The following OGDH variants were observed in gnomAD, a reference collection of about 807,000 sequenced individuals.
OGDH encodes the protein oxoglutarate dehydrogenase.
OGDH carries 38 observed loss-of-function variants against 116.6 expected under a neutral mutation model. The observed-to-expected ratio is 0.33, with a 90% CI of 0.25 to 0.43. OGDH has a LOEUF of 0.43. Ranked by LOEUF, OGDH falls within the 20% of genes least tolerant of loss-of-function variation. OGDH has a pLI of 1.00. For synonymous variants in OGDH, 488 were observed against 533.3 expected (o/e 0.92, Z 1.17); for missense variants, 825 against 1,357.2 (o/e 0.61, Z 6.16).
At chr7:44,673,585 G>T (rs1056876011) in intron 5 of OGDH, among the ~76,000 whole-genome samples, 1 of 152,192 alleles carries the variant, frequency 6.6e-6, no homozygotes, top group African/African-American at 2.4e-5. Context: ...CCAGGTCCCT[G>T]AAGGAAGCAC....
intron 1 of OGDH, among the ~76,000 whole-genome samples, chr7:44,609,420 G>A (rs1445327488): frequency 6.6e-6 from 1 of 151,520 alleles, no homozygotes; most frequent in Non-Finnish European, 1.5e-5. Flanking sequence ...TGAGGTGGGA[G>A]GATCGCTTGA....
At chr7:44,635,973 G>A (rs772139253) in intron 2 of OGDH, among the ~76,000 whole-genome samples, 1 of 152,236 alleles carries the variant, frequency 6.6e-6, no homozygotes, top group African/African-American at 2.4e-5. Flanking sequence ...AGAATGCTGG[G>A]ATTGCAGGCG....
intron 2 of OGDH, among the ~76,000 whole-genome samples, chr7:44,631,084 G>A (rs1221805030): frequency 1.3e-5 from 2 of 152,128 alleles, no homozygotes; most frequent in African/African-American, 4.8e-5. Flanking sequence ...TGGCCCGGGG[G>A]TTGGGGATCC....
chr7:44,652,890 C>T (rs1210065975), intron 4 of OGDH, among the ~76,000 whole-genome samples: 1 of 152,148 alleles, frequency 6.6e-6, no homozygotes, highest in Non-Finnish European at 1.5e-5. Context: ...TCTTTTTCCA[C>T]TGGCTCTTGA....
intron 1 of OGDH, among the ~76,000 whole-genome samples, chr7:44,613,595 G>A (rs1434971674): frequency 1.3e-5 from 2 of 151,838 alleles, no homozygotes; most frequent in Non-Finnish European, 2.9e-5. Flanking sequence ...TCCTGGCCTC[G>A]TGATCCACCC....
chr7:44,619,835 A>G (rs1049268740), intron 1 of OGDH, among the ~76,000 whole-genome samples: 2 of 151,962 alleles, frequency 1.3e-5, no homozygotes, highest in African/African-American at 4.8e-5. Context: ...GGCTGTTAGT[A>G]TATCTTCTTT....
rs538857826 is a variant in OGDH at position 44,675,362 on chromosome 7, G to C, written c.1026+94G>C. ...TTCTTAGAATGACTTACGGGGGGTT[G>C]GTTCTTCTGTACCATTTGTGATTTG... On this transcript the variant is annotated intron_variant, in intron 8 of 22. Coordinates refer to ENST00000222673, the MANE Select transcript of OGDH (RefSeq NM_002541.4). 6 of 1,025,050 alleles carry C rather than the reference G, an allele frequency of 5.9e-6. No homozygotes were observed. The African/African-American group carries it at 6.3e-5, about 11-fold the overall frequency. The allele number at this position is 1,025,050 out of a possible 1,614,324, so 63.5% of individuals were successfully genotyped here.
chr7:44,619,855 T>G (rs371889692), intron 1 of OGDH, among the ~76,000 whole-genome samples: 2 of 152,312 alleles, frequency 1.3e-5, no homozygotes, highest in East Asian at 3.9e-4. Context: ...TGGACAAATA[T>G]CTATTCAAAT....
At chr7:44,684,584 AC>A (rs1788056813) in intron 10 of OGDH, among the ~76,000 whole-genome samples, 2 of 152,162 alleles carry the variant, frequency 1.3e-5, no homozygotes, top group Admixed American at 1.3e-4. Context: ...TAGGGTAGTT[AC>A]CCATGCAGTG....
In OGDH at chr7:44,674,031, G is replaced by A. The variant is rs545293182; in HGVS notation, c.788+90G>A. ...GATCGGGCCTGTGTGCAGCCTGTTG[G>A]CCGAGGTGAGAGGGGGTTTGGGGTG... On this transcript the variant is annotated intron_variant, in intron 6 of 22. Transcript: ENST00000222673. The A allele has an allele frequency of 5.1e-5, 77 of 1,502,170 alleles. No individual in the cohort carries two copies. In the South Asian group the frequency reaches 9.1e-4, roughly 18 times the overall value. The allele number at this position is 1,502,170 out of a possible 1,614,324, so 93.1% of individuals were successfully genotyped here.
chr7:44,659,580 T>C (rs969252972), intron 4 of OGDH, among the ~76,000 whole-genome samples: 4 of 152,230 alleles, frequency 2.6e-5, no homozygotes, highest in African/African-American at 9.6e-5. Flanking sequence ...CCATAGGGCT[T>C]TTCTAATTAT....
At chr7:44,677,474 TGAAAG>T (rs1222168424) in intron 9 of OGDH, among the ~76,000 whole-genome samples, 6 of 151,852 alleles carry the variant, frequency 4.0e-5, no homozygotes, top group African/African-American at 1.5e-4. Flanking sequence ...TTTCTGGAGA[TGAAAG>T]GTAAGAGCAA....
intron 10 of OGDH, among the ~76,000 whole-genome samples, chr7:44,687,564 C>A (rs1267537022): frequency 1.3e-5 from 2 of 151,846 alleles, no homozygotes; most frequent in Admixed American, 6.6e-5. Context: ...TATGGCCATG[C>A]ACCACCACAC....
intron 8 of OGDH, 134 bp from the exon 9 acceptor site, chr7:44,675,836 C>G: frequency 1.2e-6 from 1 of 839,626 alleles, no homozygotes; most frequent in East Asian, 2.7e-5. Context: ...GAGATCGCGC[C>G]ATTGCACTCC....
At chr7:44,674,601 T>G (rs770672757) in intron 7 of OGDH, 44 bp downstream of exon 7, 2 of 1,610,200 alleles carry the variant, frequency 1.2e-6, no homozygotes, top group Non-Finnish European at 1.7e-6. Flanking sequence ...ACCATCCCTG[T>G]GGGCTGTGTA....
chr7:44,668,181 A>G (rs113146858), intron 5 of OGDH, among the ~76,000 whole-genome samples: 116 of 152,198 alleles, frequency 7.6e-4, no homozygotes, highest in African/African-American at 2.6e-3. Context: ...TCTCACGCCT[A>G]TAGTCCCAGC....
intron 1 of OGDH, among the ~76,000 whole-genome samples, chr7:44,616,137 C>T (rs549030954): frequency 3.9e-5 from 6 of 152,072 alleles, no homozygotes; most frequent in South Asian, 2.1e-4. Flanking sequence ...TTAAATGTAA[C>T]GCCTCATGTT....
At chr7:44,608,082 A>G (rs1007419460) in intron 1 of OGDH, among the ~76,000 whole-genome samples, 22 of 152,164 alleles carry the variant, frequency 1.4e-4, no homozygotes, top group African/African-American at 5.1e-4. Context: ...GATAAAATTC[A>G]CATACCATAC....
intron 20 of OGDH, among the ~76,000 whole-genome samples, chr7:44,706,913 C>T (rs148084772): frequency 1.1e-3 from 170 of 152,208 alleles, no homozygotes; most frequent in Admixed American, 3.5e-3. Context: ...CGTGAGCCAC[C>T]GCACCCGGCC....
Sources: allele counts gnomAD v4.1 joint callset (sites outside exome capture counted in the v4.1 genomes callset), GRCh38; gene constraint gnomAD v4.1.1; transcripts MANE v1.5; gene names NCBI Gene and HGNC (gene_info 2026-07-23, HGNC 2026-07-21).